REEP1: variants seen among roughly 807,000 people sequenced by gnomAD.
REEP1 encodes receptor accessory protein 1, also known as receptor expression-enhancing protein 1.
REEP1 carries 22 observed loss-of-function variants against 40.3 expected under a neutral mutation model. The ratio of observed to expected loss-of-function variants is 0.55; its 90% CI spans 0.39 to 0.78. REEP1 has a LOEUF of 0.78. REEP1 is among the 30% of genes least tolerant of loss of function. REEP1 has a pLI of 0.00. For missense variants in REEP1, 280 were observed against 361.1 expected (o/e 0.78, Z 1.82); for synonymous variants, 116 against 139.2 (o/e 0.83, Z 1.17).
rs551468138 is a variant in REEP1, at chr2:86,252,065, G to A, written c.309C>T (p.Ile103=). The A allele has an allele frequency of 3.5e-5, 56 of 1,610,872 alleles. No individual in the cohort carries two copies. The highest frequency in any genetic ancestry group is 1.5e-4 in the African/African-American group (11 of 74,914). ...CTTTTGCTTGGACCAGACAATCATC[G>A]ATTTCCTGTCAAAGGAAAAACAGAG... is the stretch of plus-strand genomic sequence containing the variant. ...HPTLSSKEKE[I]DDCLVQAKDR... The change falls in exon 5 of 9, where the codon ATC becomes ATT. Residue 103 remains isoleucine (I), a synonymous_variant. Coordinates refer to ENST00000538924, the MANE Select transcript of REEP1 (RefSeq NM_001371279.1).
chr2:86,296,819 T>G (rs1032191373), intron 1 of REEP1, among the ~76,000 whole-genome samples: 2 of 152,190 alleles, frequency 1.3e-5, no homozygotes, highest in African/African-American at 4.8e-5. Context: ...ATCACGCCAC[T>G]GCACTCCAGC....
At chr2:86,217,766 T>C (rs1674204333) in intron 8 of REEP1, among the ~76,000 whole-genome samples, 1 of 149,650 alleles carries the variant, frequency 6.7e-6, no homozygotes, top group African/African-American at 2.5e-5. Flanking sequence ...CCTATGAGCA[T>C]GACCTTTGTG....
At chr2:86,334,292 A>G (rs1680907666) in intron 1 of REEP1, among the ~76,000 whole-genome samples, 1 of 151,992 alleles carries the variant, frequency 6.6e-6, no homozygotes, top group Admixed American at 6.6e-5. Flanking sequence ...ACAGGAAGAC[A>G]CTCCCTCTCT....
chr2:86,249,913 A>G (rs1412510433), intron 5 of REEP1, among the ~76,000 whole-genome samples: 1 of 152,264 alleles, frequency 6.6e-6, no homozygotes, highest in Admixed American at 6.5e-5. Flanking sequence ...CACAAGGCAG[A>G]AAATTTTCTC....
chr2:86,236,871 A>G (rs1308267143), intron 5 of REEP1, among the ~76,000 whole-genome samples: 1 of 152,092 alleles, frequency 6.6e-6, no homozygotes, highest in East Asian at 1.9e-4. Context: ...AGTAGCTGGG[A>G]CAACAGGTGC....
intron 6 of REEP1, among the ~76,000 whole-genome samples, chr2:86,227,980 C>T (rs1189511275): frequency 6.6e-6 from 1 of 152,208 alleles, no homozygotes; most frequent in African/African-American, 2.4e-5. Flanking sequence ...CAGTGCTAGG[C>T]ATTCAGCATA....
intron 6 of REEP1, among the ~76,000 whole-genome samples, chr2:86,231,277 C>T (rs1385673600): frequency 6.6e-6 from 1 of 152,198 alleles, no homozygotes; most frequent in Admixed American, 6.5e-5. Flanking sequence ...AGGTGGCCAT[C>T]ACCCCCACAG....
intron 1 of REEP1, among the ~76,000 whole-genome samples, chr2:86,311,752 A>G (rs1269546179): frequency 6.6e-6 from 1 of 152,188 alleles, no homozygotes; most frequent in Non-Finnish European, 1.5e-5. Flanking sequence ...TTCCAGGTGG[A>G]CATGAATTTT....
intron 1 of REEP1, among the ~76,000 whole-genome samples, chr2:86,286,125 AC>A (rs538979360): frequency 1.4e-4 from 21 of 151,034 alleles, no homozygotes; most frequent in Non-Finnish European, 3.1e-4. Context: ...TTTGCCCTTC[AC>A]TCCTCCTCTT....
At chr2:86,313,295 C>CTTT (rs201047415) in intron 1 of REEP1, among the ~76,000 whole-genome samples, 4 of 135,120 alleles carry the variant, frequency 3.0e-5, no homozygotes, top group Non-Finnish European at 6.5e-5. Flanking sequence ...TTTTTCTTTT[C>CTTT]TTTTCTTTTT....
At chr2:86,328,242 A>C (rs1414220965) in intron 1 of REEP1, among the ~76,000 whole-genome samples, 1 of 152,180 alleles carries the variant, frequency 6.6e-6, no homozygotes, top group Non-Finnish European at 1.5e-5. Flanking sequence ...CCTCTTTCTC[A>C]AGGTGGGTTG....
Position 86,216,877 on chromosome 2 carries a change from A to T in REEP1, c.*162T>A. 1.6e-6 allele frequency: 1 copy of T among 635,656 alleles called. No homozygotes were observed. The highest frequency in any genetic ancestry group is 2.8e-6 in the Non-Finnish European group (1 of 363,596). The allele number at this position is 635,656 out of a possible 1,614,324, so 39.4% of individuals were successfully genotyped here. A position where few individuals can be genotyped will look rare whatever the true frequency, so the allele number is the denominator to read the frequency against. ...CAGCAAAATAAAGAAAAGGGGGAAA[A>T]AAATAAATCCTTAAAAGTGGAAGGG... On this transcript the variant is annotated 3_prime_UTR_variant, in exon 9 of 9. Coordinates refer to ENST00000538924, the MANE Select transcript of REEP1 (RefSeq NM_001371279.1).
At chr2:86,264,192 T>C in intron 2 of REEP1, 151 bp from the exon 3 acceptor site, 1 of 706,364 alleles carries the variant, frequency 1.4e-6, no homozygotes, top group Non-Finnish European at 2.6e-6. Flanking sequence ...TTCCCCAGCT[T>C]ATGTCCAGTT....
chr2:86,323,969 GA>G (rs1680390610), intron 1 of REEP1, among the ~76,000 whole-genome samples: 3 of 150,410 alleles, frequency 2.0e-5, no homozygotes, highest in Non-Finnish European at 4.4e-5. Flanking sequence ...GAAGAAAAAA[GA>G]AAAAAAGAAA....
chr2:86,296,541 A>G (rs1678992398), intron 1 of REEP1, among the ~76,000 whole-genome samples: 1 of 152,240 alleles, frequency 6.6e-6, no homozygotes, highest in African/African-American at 2.4e-5. Flanking sequence ...CTTTTAAGTC[A>G]TCATGAGGAC....
In REEP1 at chr2:86,316,302, G is replaced by A. The variant is rs538607953; in HGVS notation, c.32+21177C>T. On this transcript the variant is annotated intron_variant, in intron 1 of 8. Coordinates refer to ENST00000538924, the MANE Select transcript of REEP1 (RefSeq NM_001371279.1). ...GCCTGTAATCCTAGCACTTTGGGAG[G>A]CTGAGGCAGACGGATCACCTGAGGT... is the stretch of plus-strand genomic sequence containing the variant. 8.0e-4 allele frequency among the ~76,000 whole-genome samples: 122 copies of A among 152,230 alleles called. 1 individual carries two copies. Among genetic ancestry groups the A allele is most frequent in the African/African-American group, 2.8e-3 (116 of 41,534 alleles).
rs561306200 is a variant in REEP1 at position 86,292,786 on chromosome 2, G to A, written c.33-10544C>T. Among the ~76,000 whole-genome samples, 9 of 152,124 alleles carry A rather than the reference G, an allele frequency of 5.9e-5. No homozygotes were observed. In the South Asian group the frequency reaches 1.0e-3, roughly 18 times the overall value. ...TGAGATTGACTGGCAGGTGGTCAGC[G>A]GGTATCTGTGGGGTTTTCTGGGGAC... On this transcript the variant is annotated intron_variant, in intron 1 of 8. Coordinates refer to ENST00000538924, the MANE Select transcript of REEP1 (RefSeq NM_001371279.1).
chr2:86,249,846 G>C (rs1287164305), intron 5 of REEP1, among the ~76,000 whole-genome samples: 1 of 152,060 alleles, frequency 6.6e-6, no homozygotes, highest in East Asian at 1.9e-4. Context: ...ATTTTTAGAA[G>C]AGAATATGTG....
At chr2:86,222,655 C>T (rs139595951) in intron 7 of REEP1, among the ~76,000 whole-genome samples, 3,302 of 152,292 alleles carry the variant, frequency 0.022, 68 homozygotes, top group Non-Finnish European at 0.033. Context: ...TGATGGTATG[C>T]ATTTAAAATG....
Sources: allele counts gnomAD v4.1 joint callset (sites outside exome capture counted in the v4.1 genomes callset), GRCh38; gene constraint gnomAD v4.1.1; transcripts MANE v1.5; gene names NCBI Gene and HGNC (gene_info 2026-07-23, HGNC 2026-07-21).